The following ZNF469 variants were observed in gnomAD, a reference collection of about 807,000 sequenced individuals.
ZNF469 encodes zinc finger protein 469.
A neutral mutation model predicts 1.0 loss-of-function variants in ZNF469; 1 was observed. The observed-to-expected ratio is 1.00, with a 90% confidence interval of 0.35 to 4.73. The LOEUF (loss-of-function observed/expected upper bound fraction) is 4.73. ZNF469 is among the 30% of genes most tolerant of loss of function. The pLI is 0.16. For synonymous variants in ZNF469, 2,703 were observed against 2,363.4 expected (o/e 1.14, Z -4.17); for missense variants, 6,100 against 5,356.3 (o/e 1.14, Z -4.33).
chr16:88,184,921 CTGT>C, the ZNF469 span, among the ~76,000 whole-genome samples: 3 of 152,156 alleles, frequency 2.0e-5, no homozygotes, highest in East Asian at 3.9e-4. Context: ...ACACAATAGG[CTGT>C]TATGCACAGA....
chr16:88,239,450 A>G, the ZNF469 span, among the ~76,000 whole-genome samples: 1 of 149,312 alleles, frequency 6.7e-6, no homozygotes, highest in East Asian at 2.0e-4. Context: ...ATATGATGGG[A>G]TCAGGAATGG....
the ZNF469 span, among the ~76,000 whole-genome samples, chr16:88,188,928 G>T: frequency 0.016 from 2,443 of 152,094 alleles, 65 homozygotes; most frequent in African/African-American, 0.056. Flanking sequence ...GCACGTAGGA[G>T]GCACCTCAAA....
At chr16:88,276,874 G>T in the ZNF469 span, among the ~76,000 whole-genome samples, 6 of 150,734 alleles carry the variant, frequency 4.0e-5, no homozygotes, top group Non-Finnish European at 7.4e-5. Flanking sequence ...CCACGCTGAC[G>T]CTCGGTCAGT....
At chr16:88,154,649 T>G in the ZNF469 span, among the ~76,000 whole-genome samples, 1 of 152,222 alleles carries the variant, frequency 6.6e-6, no homozygotes, top group Non-Finnish European at 1.5e-5. Flanking sequence ...GCTGCTCACT[T>G]TCCTGTTTGT....
In ZNF469 at chr16:88,422,436, G is replaced by A. The variant is rs143287175; in HGVS notation, c.-191-2371G>A. 9.0e-3 allele frequency among the ~76,000 whole-genome samples: 1,269 copies of A among 140,334 alleles called. 24 individuals are homozygous for A. Among genetic ancestry groups the A allele is most frequent in the African/African-American group, 0.031 (1,171 of 37,648 alleles). 92.1% of individuals were successfully genotyped at this position (140,334 alleles called of 152,430 possible). Reference sequence around the variant, plus strand: ...GGACAAATGGTAAAAGGGTGGATGGGTGGGTGGGTGGATGGATGGGTGGAT... The same window carrying A: ...GGACAAATGGTAAAAGGGTGGATGGATGGGTGGGTGGATGGATGGGTGGAT... On this transcript the variant is annotated intron_variant, in intron 1 of 2. Transcript: ENST00000565624.
intron 1 of ZNF469, among the ~76,000 whole-genome samples, chr16:88,399,010 A>T (rs1904780725): frequency 6.6e-6 from 1 of 152,246 alleles, no homozygotes; most frequent in South Asian, 2.1e-4. Context: ...TAGAGACGTT[A>T]ACCACTGTCA....
chr16:88,361,252 G>A, the ZNF469 span, among the ~76,000 whole-genome samples: 2 of 152,306 alleles, frequency 1.3e-5, no homozygotes, highest in South Asian at 4.1e-4. Flanking sequence ...GAGCCATGGG[G>A]AGTGGACGTA....
At chr16:88,172,806 TA>T in the ZNF469 span, among the ~76,000 whole-genome samples, 1 of 152,216 alleles carries the variant, frequency 6.6e-6, no homozygotes, top group African/African-American at 2.4e-5. Flanking sequence ...GATAGAAATT[TA>T]ATACCTGAAA....
intron 1 of ZNF469, among the ~76,000 whole-genome samples, chr16:88,388,367 T>G (rs1227968599): frequency 6.6e-6 from 1 of 151,972 alleles, no homozygotes; most frequent in Non-Finnish European, 1.5e-5. Flanking sequence ...CCAAACAGAG[T>G]CCACATTCAT....
intron 1 of ZNF469, among the ~76,000 whole-genome samples, chr16:88,388,130 G>T (rs1005323058): frequency 2.6e-5 from 4 of 152,244 alleles, no homozygotes; most frequent in African/African-American, 9.6e-5. Flanking sequence ...GCGAGGGTGT[G>T]GATAGGCAGG....
At chr16:88,182,321 A>G in the ZNF469 span, among the ~76,000 whole-genome samples, 41 of 152,058 alleles carry the variant, frequency 2.7e-4, no homozygotes, top group African/African-American at 7.9e-4. Flanking sequence ...TATAGATCCA[A>G]TGGAATCACA....
At position 88,432,725 on chromosome 16, in the gene ZNF469, A is replaced by G; in HGVS notation, c.5255A>G (p.Asn1752Ser). The change falls in exon 3 of 3, where the codon AAT (asparagine) becomes AGT (serine). Residue 1752 changes from asparagine to serine, a missense_variant. By Grantham distance (46) the Asn-to-Ser change is conservative. Coordinates refer to ENST00000565624, the MANE Select transcript of ZNF469 (RefSeq NM_001367624.2). ...SPDQELSFPK[N>S]KEAASSQESE... is the part of the protein sequence containing the mutation. ...GACCAGGAACTTTCATTTCCTAAGAATAAGGAGGCCGCCAGCTCACAAGAA... is the reference window on the plus strand; with the variant it reads ...GACCAGGAACTTTCATTTCCTAAGAGTAAGGAGGCCGCCAGCTCACAAGAA... 1.3e-6 allele frequency: 2 copies of G among 1,550,414 alleles called. No individual in the cohort carries two copies. The highest frequency in any genetic ancestry group is 8.7e-7 in the Non-Finnish European group (1 of 1,146,976).
chr16:88,236,783 C>T, the ZNF469 span, among the ~76,000 whole-genome samples: 3 of 151,746 alleles, frequency 2.0e-5, no homozygotes, highest in Non-Finnish European at 4.4e-5. Context: ...AAGAGAATCG[C>T]TTGAACCTGG....
chr16:88,207,880 C>G, the ZNF469 span, among the ~76,000 whole-genome samples: 1 of 152,028 alleles, frequency 6.6e-6, no homozygotes, highest in African/African-American at 2.4e-5. Flanking sequence ...TGCAAAGTCC[C>G]CTTTCCATAT....
chr16:88,146,603 C>T, the ZNF469 span, among the ~76,000 whole-genome samples: 1 of 152,106 alleles, frequency 6.6e-6, no homozygotes, highest in East Asian at 1.9e-4. Context: ...ATGGGGACAG[C>T]TCTTCTCTCC....
At chr16:88,353,830 C>G in the ZNF469 span, among the ~76,000 whole-genome samples, 4 of 152,294 alleles carry the variant, frequency 2.6e-5, no homozygotes, top group Admixed American at 2.6e-4. Flanking sequence ...CTGGGGCCTC[C>G]GGCAGCTGGA....
At chr16:88,273,916 T>C in the ZNF469 span, among the ~76,000 whole-genome samples, 1 of 151,612 alleles carries the variant, frequency 6.6e-6, no homozygotes, top group African/African-American at 2.4e-5. Context: ...GCCATTCTCC[T>C]GCCTCAGCCT....
chr16:88,320,515 C>A, the ZNF469 span, among the ~76,000 whole-genome samples: 1 of 152,080 alleles, frequency 6.6e-6, no homozygotes, highest in Non-Finnish European at 1.5e-5. Flanking sequence ...TCCAGAGTAG[C>A]CCGGATTACA....
chr16:88,351,789 G>C, the ZNF469 span, among the ~76,000 whole-genome samples: 1 of 151,922 alleles, frequency 6.6e-6, no homozygotes, highest in Non-Finnish European at 1.5e-5. Flanking sequence ...GCCGGGCCAC[G>C]CTTTGCCACC....
Sources: gnomAD v4.1 joint callset for allele counts (sites outside exome capture counted in the v4.1 genomes callset) on GRCh38, gnomAD v4.1.1 for gene constraint, MANE v1.5 for transcripts, NCBI Gene and HGNC (gene_info 2026-07-23, HGNC 2026-07-21) for gene names.